Variants in GPC6 observed in about 807,000 individuals in gnomAD.
GPC6 encodes glypican-6.
Under a neutral mutation model 55.2 loss-of-function variants are expected in GPC6, and 14 were observed. That is an observed-to-expected ratio of 0.25 (90% CI 0.17 to 0.40). The LOEUF is 0.40. Among genes scored for constraint, GPC6 ranks in the 10% least tolerant of loss-of-function variants. The probability of loss-of-function intolerance (pLI) is 1.00; values close to 1 mark genes in which losing one functional copy is unlikely to be tolerated. For missense variants in GPC6, 641 were observed against 708.5 expected, an observed-to-expected ratio of 0.90 and a Z score of 1.08; for synonymous variants, 278 against 259.6, an observed-to-expected ratio of 1.07 and a Z score of -0.68.
chr13:93,979,015 G>A (rs1412676293), intron 3 of GPC6, among the ~76,000 whole-genome samples: 1 of 152,070 alleles, frequency 6.6e-6, no homozygotes, highest in Admixed American at 6.6e-5. Flanking sequence ...TACTACTAAA[G>A]ATATAGAATG....
chr13:93,676,123 AAAAATATATATATATATAT>A (rs1331903134), intron 2 of GPC6, among the ~76,000 whole-genome samples: 830 of 13,420 alleles, frequency 0.062, 63 homozygotes, highest in Middle Eastern at 0.5. Context: ...AAAAAAAAAA[AAAAATATATATATATATAT>A]ATATATATAT....
At chr13:94,045,200 G>A (rs1193017728) in intron 4 of GPC6, among the ~76,000 whole-genome samples, 2 of 151,772 alleles carry the variant, frequency 1.3e-5, no homozygotes, top group Non-Finnish European at 2.9e-5. Flanking sequence ...TGTAATAACA[G>A]CAATTATGGA....
At chr13:93,958,068 T>A (rs1879590137) in intron 3 of GPC6, among the ~76,000 whole-genome samples, 1 of 152,184 alleles carries the variant, frequency 6.6e-6, no homozygotes, top group Non-Finnish European at 1.5e-5. Context: ...GTTATTTGAT[T>A]TTTTCGTGTT....
chr13:93,287,170 T>C (rs1878160486), intron 1 of GPC6, among the ~76,000 whole-genome samples: 1 of 152,170 alleles, frequency 6.6e-6, no homozygotes, highest in South Asian at 2.1e-4. Context: ...AAACCTTGGG[T>C]CCACATTCTG....
chr13:94,286,285 A>T, intron 4 of GPC6, 64 bp from the exon 5 acceptor site: 1 of 1,567,132 alleles, frequency 6.4e-7, no homozygotes, highest in Non-Finnish European at 8.8e-7. Flanking sequence ...AACAATGTTT[A>T]AACACAGGTT....
chr13:93,647,964 C>T (rs1189787047), intron 2 of GPC6, among the ~76,000 whole-genome samples: 1 of 152,124 alleles, frequency 6.6e-6, no homozygotes, highest in Non-Finnish European at 1.5e-5. Context: ...GCTGCCTAAA[C>T]ACGGGAGTGT....
chr13:94,185,185 G>A (rs1889129269), intron 4 of GPC6, among the ~76,000 whole-genome samples: 1 of 150,950 alleles, frequency 6.6e-6, no homozygotes, highest in African/African-American at 2.4e-5. Flanking sequence ...ACTACCTATT[G>A]GATACTATGC....
intron 2 of GPC6, among the ~76,000 whole-genome samples, chr13:93,649,001 G>T (rs1880293201): frequency 6.6e-6 from 1 of 152,012 alleles, no homozygotes; most frequent in Admixed American, 6.6e-5. Context: ...AAAAATTTTT[G>T]AGATAATCTT....
chr13:93,325,766 T>A (rs745765588), intron 1 of GPC6, among the ~76,000 whole-genome samples: 2 of 151,828 alleles, frequency 1.3e-5, no homozygotes, highest in Non-Finnish European at 2.9e-5. Flanking sequence ...AGGGTGTGGG[T>A]GGGAGTGGAG....
At chr13:94,113,756 C>T (rs1052362539) in intron 4 of GPC6, among the ~76,000 whole-genome samples, 1 of 151,934 alleles carries the variant, frequency 6.6e-6, no homozygotes, top group African/African-American at 2.4e-5. Context: ...CATAGTATCT[C>T]ACGCCTGCAA....
intron 2 of GPC6, among the ~76,000 whole-genome samples, chr13:93,717,685 A>G (rs1452718534): frequency 1.3e-5 from 2 of 151,752 alleles, no homozygotes; most frequent in African/African-American, 4.8e-5. Flanking sequence ...ACATAGGTAT[A>G]CATGTGCCAT....
At chr13:94,305,067 T>G (rs553196476) in intron 5 of GPC6, among the ~76,000 whole-genome samples, 1 of 152,356 alleles carries the variant, frequency 6.6e-6, no homozygotes. Context: ...AATTCAAGTA[T>G]GTAAAAGTGA....
At chr13:94,241,804 G>A (rs1196990469) in intron 4 of GPC6, among the ~76,000 whole-genome samples, 1 of 152,054 alleles carries the variant, frequency 6.6e-6, no homozygotes, top group Non-Finnish European at 1.5e-5. Flanking sequence ...CCCTAAATGT[G>A]AATGAGTGAC....
chr13:94,326,589 A>G (rs574731306), intron 6 of GPC6, among the ~76,000 whole-genome samples: 1 of 152,338 alleles, frequency 6.6e-6, no homozygotes, highest in South Asian at 2.1e-4. Context: ...CCACGTAAAT[A>G]CAGCCTCCCC....
chr13:93,551,223 T>C (rs1456504293), intron 2 of GPC6, among the ~76,000 whole-genome samples: 1 of 152,102 alleles, frequency 6.6e-6, no homozygotes, highest in Non-Finnish European at 1.5e-5. Flanking sequence ...ACAATGTTAA[T>C]GTATTGACAT....
At chr13:93,571,261 A>G (rs537173497) in intron 2 of GPC6, among the ~76,000 whole-genome samples, 24 of 152,276 alleles carry the variant, frequency 1.6e-4, no homozygotes, top group South Asian at 6.2e-4. Context: ...ACACGTGTGC[A>G]CATACATACA....
At chr13:93,634,869 A>G (rs1164216461) in intron 2 of GPC6, among the ~76,000 whole-genome samples, 1 of 152,186 alleles carries the variant, frequency 6.6e-6, no homozygotes, top group African/African-American at 2.4e-5. Context: ...TTTTTATAGT[A>G]AAAGAAAGGT....
chr13:93,634,203 G>T (rs1018358919), intron 2 of GPC6, among the ~76,000 whole-genome samples: 1 of 152,120 alleles, frequency 6.6e-6, no homozygotes, highest in Admixed American at 6.6e-5. Context: ...TTTAGAATAT[G>T]AAATATATTT....
intron 2 of GPC6, among the ~76,000 whole-genome samples, chr13:93,721,045 T>C (rs1011391231): frequency 1.3e-5 from 2 of 152,054 alleles, no homozygotes; most frequent in African/African-American, 4.8e-5. Context: ...TCTGTTGATT[T>C]AGGATGGAGA....
Sources: gnomAD v4.1 joint callset for allele counts (sites outside exome capture counted in the v4.1 genomes callset) on GRCh38, gnomAD v4.1.1 for gene constraint, MANE v1.5 for transcripts, NCBI Gene and HGNC (gene_info 2026-07-23, HGNC 2026-07-21) for gene names.